TRPC5: variants seen among roughly 807,000 people sequenced by gnomAD.
TRPC5 encodes the protein short transient receptor potential channel 5.
A neutral mutation model predicts 56.5 loss-of-function variants in TRPC5; 9 were observed. The ratio of observed to expected loss-of-function variants is 0.16; its 90% CI spans 0.10 to 0.28. TRPC5 has a LOEUF of 0.28. TRPC5 is among the 10% of genes least tolerant of loss of function. The pLI is 1.00. For synonymous variants in TRPC5, 282 were observed against 278.5 expected, an observed-to-expected ratio of 1.01 and a Z score of -0.13; for missense variants, 469 against 748.9, an observed-to-expected ratio of 0.63 and a Z score of 4.36.
At chrX:111,811,058 A>C (rs973056898) in intron 7 of TRPC5, among the ~76,000 whole-genome samples, 18 of 112,395 alleles carry the variant, frequency 1.6e-4, no homozygotes, top group African/African-American at 5.8e-4. Flanking sequence ...AGACAAAGGA[A>C]TGATGTAAAC....
chrX:111,875,541 C>T, intron 3 of TRPC5, among the ~76,000 whole-genome samples: 1 of 107,329 alleles, frequency 9.3e-6, no homozygotes, highest in Non-Finnish European at 1.9e-5. Flanking sequence ...GAAGAAAGTC[C>T]CCAGTTCTGT....
chrX:111,785,507 C>T (rs927318360), intron 7 of TRPC5, among the ~76,000 whole-genome samples: 4 of 98,079 alleles, frequency 4.1e-5, no homozygotes, highest in Non-Finnish European at 7.5e-5. Flanking sequence ...GCCTCTTCTC[C>T]TCCAAAGAAT....
chrX:111,781,874 TGACAGAGTGA>T, intron 8 of TRPC5, 51 bp downstream of exon 8: 1 of 1,042,538 alleles, frequency 9.6e-7, no homozygotes, highest in East Asian at 3.1e-5. Context: ...CCAGCCTGGG[TGACAGAGTGA>T]GACTCCATCT....
chrX:112,012,105 G>A (rs1244330276), intron 1 of TRPC5, among the ~76,000 whole-genome samples: 1 of 111,775 alleles, frequency 8.9e-6, no homozygotes, highest in Non-Finnish European at 1.9e-5. Flanking sequence ...CATGGATAAC[G>A]GGGTCTACTG....
At chrX:111,784,123 C>G (rs1376509319) in intron 7 of TRPC5, among the ~76,000 whole-genome samples, 3 of 111,406 alleles carry the variant, frequency 2.7e-5, no homozygotes, top group African/African-American at 9.8e-5. Context: ...AGTTAAACAC[C>G]TACTTTATAC....
intron 6 of TRPC5, among the ~76,000 whole-genome samples, chrX:111,839,335 C>T (rs1196260176): frequency 8.9e-6 from 1 of 111,874 alleles, no homozygotes; most frequent in African/African-American, 3.3e-5. Flanking sequence ...AAGCCTTGTT[C>T]CATAAATGCA....
intron 1 of TRPC5, among the ~76,000 whole-genome samples, chrX:112,010,530 C>T (rs1311841203): frequency 9.0e-6 from 1 of 111,445 alleles, no homozygotes; most frequent in East Asian, 2.8e-4. Flanking sequence ...TGGTCTATTG[C>T]TCCTAGGCTA....
intron 1 of TRPC5, among the ~76,000 whole-genome samples, chrX:112,033,775 G>T (rs766755967): frequency 8.9e-6 from 1 of 111,819 alleles, no homozygotes; most frequent in East Asian, 2.8e-4. Flanking sequence ...TTGTTGAAAA[G>T]ACTATTCTTG....
intron 1 of TRPC5, among the ~76,000 whole-genome samples, chrX:111,992,814 G>A (rs1187765668): frequency 9.1e-6 from 1 of 109,659 alleles, no homozygotes; most frequent in African/African-American, 3.3e-5. Flanking sequence ...TGTTGGCCAG[G>A]CTTGTCTCAA....
chrX:112,027,877 A>G (rs1175748102), intron 1 of TRPC5, among the ~76,000 whole-genome samples: 1 of 112,102 alleles, frequency 8.9e-6, no homozygotes, highest in Non-Finnish European at 1.9e-5. Flanking sequence ...TGCAGTGACT[A>G]TTATATACTT....
At chrX:111,933,330 G>A (rs909019080) in intron 2 of TRPC5, among the ~76,000 whole-genome samples, 3 of 111,221 alleles carry the variant, frequency 2.7e-5, no homozygotes, top group African/African-American at 9.8e-5. Context: ...AATATTGAGC[G>A]GGCTGGGGTG....
intron 2 of TRPC5, among the ~76,000 whole-genome samples, chrX:111,923,998 A>G (rs1184085096): frequency 9.0e-6 from 1 of 111,647 alleles, no homozygotes; most frequent in Non-Finnish European, 1.9e-5. Flanking sequence ...TGATTTTTAA[A>G]TTAAATTTCT....
chrX:112,067,726 G>A (rs1325668055), intron 1 of TRPC5, among the ~76,000 whole-genome samples: 1 of 111,935 alleles, frequency 8.9e-6, no homozygotes, highest in Non-Finnish European at 1.9e-5. Flanking sequence ...CTTCCACTTT[G>A]CCAGAGATGA....
At chrX:111,784,663 C>A (rs1945946440) in intron 7 of TRPC5, among the ~76,000 whole-genome samples, 1 of 112,366 alleles carries the variant, frequency 8.9e-6, no homozygotes, top group Admixed American at 9.4e-5. Context: ...ATTTCCCTTT[C>A]CTAGCCAAGG....
chrX:112,032,346 C>CA (rs59674570), intron 1 of TRPC5, among the ~76,000 whole-genome samples: 13,577 of 96,301 alleles, frequency 0.14, 1,200 homozygotes, highest in African/African-American at 0.32. Flanking sequence ...GAAGGTTCCT[C>CA]AAAAAAAAAA....
At chrX:112,017,791 C>A (rs1044054350) in intron 1 of TRPC5, among the ~76,000 whole-genome samples, 2 of 111,697 alleles carry the variant, frequency 1.8e-5, no homozygotes, top group African/African-American at 6.5e-5. Flanking sequence ...TTTGCTTATG[C>A]TATTTCCTTC....
intron 1 of TRPC5, among the ~76,000 whole-genome samples, chrX:111,954,263 A>G (rs905297151): frequency 3.6e-5 from 4 of 112,071 alleles, no homozygotes; most frequent in Non-Finnish European, 7.5e-5. Flanking sequence ...ATTAGCTTCT[A>G]TTTATTTAAT....
intron 1 of TRPC5, among the ~76,000 whole-genome samples, chrX:112,016,429 G>A (rs188259236): frequency 5.2e-4 from 57 of 110,185 alleles, no homozygotes; most frequent in African/African-American, 1.8e-3. Flanking sequence ...AACTTTAATA[G>A]CAATTCAGTC....
rs138399069 is a variant in TRPC5, at chrX:111,865,418, C to G, written c.901-11312G>C. 7.6e-3 allele frequency among the ~76,000 whole-genome samples: 825 copies of G among 109,115 alleles called. 5 individuals are homozygous for G. Among genetic ancestry groups the G allele is most frequent in the African/African-American group, 0.026 (768 of 29,880 alleles). 94.8% of individuals were successfully genotyped at this position (109,115 alleles called of 115,157 possible). ...ATCTGTTCACTGCAACCTCAGCCTC[C>G]CAGGTTCAAGCAATTCTCCTGCCTC... On this transcript the variant is annotated intron_variant, in intron 3 of 10. Transcript: ENST00000262839.
Sources: gnomAD v4.1 joint callset for allele counts (sites outside exome capture counted in the v4.1 genomes callset) on GRCh38, gnomAD v4.1.1 for gene constraint, MANE v1.5 for transcripts, NCBI Gene and HGNC (gene_info 2026-07-23, HGNC 2026-07-21) for gene names.